Variants in OTOGL observed in about 807,000 individuals in gnomAD.
The protein encoded by OTOGL is otogelin-like protein.
Under a neutral mutation model 318.5 loss-of-function variants are expected in OTOGL, and 285 were observed. The observed-to-expected ratio is 0.89, with a 90% CI of 0.81 to 0.99. The LOEUF is 0.99. OTOGL is among the 50% of genes least tolerant of loss of function. OTOGL has a pLI of 0.00. For missense variants in OTOGL, 2,899 were observed against 2,845.6 expected (o/e 1.02, Z -0.43); for synonymous variants, 987 against 936.5 (o/e 1.05, Z -0.99).
chr12:80,249,483 CA>C (rs1017943085), intron 11 of OTOGL, among the ~76,000 whole-genome samples: 1 of 151,436 alleles, frequency 6.6e-6, no homozygotes, highest in African/African-American at 2.4e-5. Flanking sequence ...GCTCGGGGGT[CA>C]GGGGTCAGGG....
intron 1 of OTOGL, among the ~76,000 whole-genome samples, chr12:80,143,720 G>A (rs1360151604): frequency 1.3e-5 from 2 of 152,148 alleles, no homozygotes; most frequent in South Asian, 2.1e-4. Context: ...ATTTGATAGA[G>A]TGTGTTAGTT....
At chr12:80,288,840 G>T (rs1884828467) in intron 26 of OTOGL, among the ~76,000 whole-genome samples, 2 of 151,950 alleles carry the variant, frequency 1.3e-5, no homozygotes, top group African/African-American at 4.8e-5. Context: ...GATTGGGTTA[G>T]AACATACTCT....
At position 80,192,642 on chromosome 12, in the gene OTOGL, T is replaced by C. The variant is rs78587371; in HGVS notation, c.-19-16771T>C. The stretch of plus-strand genomic sequence containing the variant: ...CCACTCTGGTCACTAAAAATAAAAA[T>C]AGCATGCTCTCTTAACAGGCAAGTC... On this transcript the variant is annotated intron_variant, in intron 1 of 58. Coordinates refer to ENST00000547103, the MANE Select transcript of OTOGL (RefSeq NM_001378609.3). 5.5e-3 allele frequency among the ~76,000 whole-genome samples: 844 copies of C among 152,328 alleles called. 10 individuals carry two copies. The highest frequency in any genetic ancestry group is 0.019 in the African/African-American group (796 of 41,570).
chr12:80,140,291 C>A (rs1466926517), intron 1 of OTOGL, among the ~76,000 whole-genome samples: 1 of 152,168 alleles, frequency 6.6e-6, no homozygotes, highest in Non-Finnish European at 1.5e-5. Flanking sequence ...AGGGTCAATG[C>A]AACTGCATGT....
At chr12:80,166,198 T>TCTCTCTCTCTATCTCCCTCCTTTCCTCC (rs1873818806) in intron 1 of OTOGL, among the ~76,000 whole-genome samples, 1 of 150,380 alleles carries the variant, frequency 6.6e-6, no homozygotes, top group Non-Finnish European at 1.5e-5. Flanking sequence ...CTTCTTCCTC[T>TCTCTCTCTCTATCTCCCTCCTTTCCTCC]CTCTCTCTCT....
intron 29 of OTOGL, among the ~76,000 whole-genome samples, chr12:80,309,162 T>C (rs1886461418): frequency 6.6e-6 from 1 of 152,366 alleles, no homozygotes; most frequent in Admixed American, 6.5e-5. Context: ...TAGCACTTAA[T>C]GTTTTCCATT....
intron 30 of OTOGL, among the ~76,000 whole-genome samples, chr12:80,311,439 A>G (rs1278256327): frequency 6.6e-6 from 1 of 152,074 alleles, no homozygotes; most frequent in Non-Finnish European, 1.5e-5. Context: ...CTTTCTTTTT[A>G]TGAGATGGAG....
chr12:80,188,292 C>T (rs973760961), intron 1 of OTOGL, among the ~76,000 whole-genome samples: 5 of 152,056 alleles, frequency 3.3e-5, no homozygotes, highest in African/African-American at 1.2e-4. Context: ...GTAATCCCAG[C>T]ACTTTGAGAG....
intron 57 of OTOGL, among the ~76,000 whole-genome samples, chr12:80,373,819 G>A (rs1457965706): frequency 1.3e-5 from 2 of 152,080 alleles, no homozygotes; most frequent in Non-Finnish European, 2.9e-5. Flanking sequence ...GGAATCTACT[G>A]CGGGTCTCAT....
At chr12:80,226,367 T>C (rs1380853305) in intron 7 of OTOGL, among the ~76,000 whole-genome samples, 2 of 152,162 alleles carry the variant, frequency 1.3e-5, no homozygotes, top group African/African-American at 4.8e-5. Flanking sequence ...TGTATATTTT[T>C]CTAGAGTAAA....
intron 26 of OTOGL, among the ~76,000 whole-genome samples, chr12:80,283,699 T>G (rs1884401038): frequency 6.6e-6 from 1 of 152,064 alleles, no homozygotes; most frequent in Non-Finnish European, 1.5e-5. Context: ...TTTTTAGTTC[T>G]AGCAATCTAA....
rs10715159 is a variant in OTOGL at position 80,339,298 on chromosome 12, GTTTTTTTTTT to G, written c.5050+50_5050+59del. The G allele has an allele frequency of 2.4e-3, 1,276 of 538,058 alleles. 1 individual carries two copies. Among genetic ancestry groups the G allele is most frequent in the Non-Finnish European group, 2.7e-3 (1,075 of 391,228 alleles). 33.3% of individuals were successfully genotyped at this position (538,058 alleles called of 1,614,324 possible). ...TGCCCTTCAAATCTTGATTTCGTCTGTTTTTTTTTTTTTTTTTTTTTTTTTCTATTCACGC... is the reference window on the plus strand; with the variant it reads ...TGCCCTTCAAATCTTGATTTCGTCTGTTTTTTTTTTTTTTTCTATTCACGC... On this transcript the variant is annotated intron_variant, in intron 43 of 58. Transcript: ENST00000547103.
chr12:80,305,803 A>T, intron 29 of OTOGL, 108 bp downstream of exon 29: 4 of 892,966 alleles, frequency 4.5e-6, no homozygotes, highest in Non-Finnish European at 6.1e-6. Flanking sequence ...TACTATTTTC[A>T]TAGTAATTTA....
intron 1 of OTOGL, among the ~76,000 whole-genome samples, chr12:80,126,340 T>C (rs1392743824): frequency 6.6e-6 from 1 of 152,156 alleles, no homozygotes; most frequent in Non-Finnish European, 1.5e-5. Context: ...TTCCATGTAG[T>C]TGAGCGGTTT....
chr12:80,255,175 C>A lies in OTOGL; in HGVS notation c.1577C>A (p.Pro526His). 2 of 1,508,366 alleles carry A rather than the reference C, an allele frequency of 1.3e-6. No homozygotes were observed. The highest frequency in any genetic ancestry group is 2.4e-5 in the East Asian group (1 of 41,524). 93.4% of individuals were successfully genotyped at this position (1,508,366 alleles called of 1,614,324 possible). A position where few individuals can be genotyped will look rare whatever the true frequency, so the allele number is the denominator to read the frequency against. Residue 526 changes from proline (P) to histidine (H), a missense_variant, in exon 16 of 59, where the codon CCC (proline) becomes CAC (histidine). Physicochemically the swap from Pro to His is moderately conservative, Grantham distance 77 (BLOSUM62 -2). This residue lies in a region of OTOGL where 2,607 missense variants were observed against 2,524.9 expected (regional missense o/e 1.03). Transcript: ENST00000547103. ...TTCACGATTACTTTACAGAAAGCTC[C>A]CTGTGAGCAGGTAAGAACATTTCAA... ...DKFTITLQKA[P>H]CEQNLGLVCL...
At chr12:80,287,647 A>G (rs1343365676) in intron 26 of OTOGL, among the ~76,000 whole-genome samples, 1 of 152,000 alleles carries the variant, frequency 6.6e-6, no homozygotes, top group Non-Finnish European at 1.5e-5. Flanking sequence ...TTTACCATTA[A>G]GTATATCTTT....
chr12:80,369,196 C>T (rs1486919323), intron 55 of OTOGL, among the ~76,000 whole-genome samples: 1 of 151,860 alleles, frequency 6.6e-6, no homozygotes, highest in East Asian at 1.9e-4. Flanking sequence ...ATTAGAAACA[C>T]ATATTTTTTT....
intron 1 of OTOGL, among the ~76,000 whole-genome samples, chr12:80,206,993 A>T (rs775944932): frequency 4.6e-5 from 7 of 152,206 alleles, no homozygotes; most frequent in Non-Finnish European, 1.0e-4. Context: ...AAAAGTTCAG[A>T]GTTACTACAT....
At chr12:80,201,123 T>A (rs1192057882) in intron 1 of OTOGL, among the ~76,000 whole-genome samples, 1 of 152,146 alleles carries the variant, frequency 6.6e-6, no homozygotes, top group Non-Finnish European at 1.5e-5. Flanking sequence ...TGGAGGCAAG[T>A]GGAACTGGAT....
Sources: gnomAD v4.1 joint callset for allele counts (sites outside exome capture counted in the v4.1 genomes callset) on GRCh38, gnomAD v4.1.1 for gene constraint, gnomAD v4.1.1 regional missense constraint, MANE v1.5 for transcripts, NCBI Gene and HGNC (gene_info 2026-07-23, HGNC 2026-07-21) for gene names.